Variants in STRN observed in about 807,000 individuals in gnomAD.
The protein encoded by STRN is striatin, also known as protein phosphatase 2 regulatory subunit B'''alpha.
STRN carries 53 observed loss-of-function variants against 96.3 expected under a neutral mutation model. That is an observed-to-expected ratio of 0.55 (90% CI 0.44 to 0.69). STRN has a LOEUF of 0.69. STRN is among the 30% of genes least tolerant of loss of function. The pLI is 0.00. For missense variants in STRN, 987 were observed against 963.9 expected, an observed-to-expected ratio of 1.02 and a Z score of -0.32; for synonymous variants, 428 against 355.9, an observed-to-expected ratio of 1.20 and a Z score of -2.28.
intron 1 of STRN, among the ~76,000 whole-genome samples, chr2:36,954,901 A>C (rs1442871809): frequency 6.6e-6 from 1 of 152,178 alleles, no homozygotes; most frequent in Non-Finnish European, 1.5e-5. Flanking sequence ...AGCCTCCCAA[A>C]GTGCTAGGAT....
intron 3 of STRN, among the ~76,000 whole-genome samples, chr2:36,909,711 TAG>T (rs1409305556): frequency 1.3e-5 from 2 of 152,054 alleles, no homozygotes; most frequent in African/African-American, 4.8e-5. Context: ...AAGAAATATG[TAG>T]AGAGGGCTAA....
intron 11 of STRN, 78 bp from the exon 12 acceptor site, chr2:36,867,939 T>C: frequency 8.5e-7 from 1 of 1,175,174 alleles, no homozygotes; most frequent in Non-Finnish European, 1.2e-6. Flanking sequence ...AAAATTGTCT[T>C]TAAAAATACA....
At chr2:36,911,177 C>A (rs1361243369) in intron 3 of STRN, among the ~76,000 whole-genome samples, 18 of 152,180 alleles carry the variant, frequency 1.2e-4, no homozygotes, top group Admixed American at 1.2e-3. Context: ...TGCCACCAAA[C>A]TTCTACATCA....
At chr2:36,940,729 C>T (rs1293124324) in intron 1 of STRN, among the ~76,000 whole-genome samples, 3 of 146,902 alleles carry the variant, frequency 2.0e-5, no homozygotes, top group Admixed American at 1.4e-4. Context: ...CCCAGCTATT[C>T]GGGAGGCTGA....
chr2:36,865,006 C>T (rs536230692), intron 12 of STRN, among the ~76,000 whole-genome samples: 1 of 152,352 alleles, frequency 6.6e-6, no homozygotes, highest in African/African-American at 2.4e-5. Context: ...TGAGCCACTG[C>T]ACCCGGCCCC....
intron 10 of STRN, among the ~76,000 whole-genome samples, chr2:36,872,416 G>A (rs1668785833): frequency 6.6e-6 from 1 of 152,224 alleles, no homozygotes; most frequent in Non-Finnish European, 1.5e-5. Flanking sequence ...GTCTTCAGGT[G>A]ATACTGCAGC....
intron 9 of STRN, among the ~76,000 whole-genome samples, chr2:36,883,401 G>A (rs568232118): frequency 3.9e-5 from 6 of 152,070 alleles, no homozygotes; most frequent in African/African-American, 1.4e-4. Flanking sequence ...AGGTTGTAGC[G>A]AGCCAAGGTC....
chr2:36,885,874 C>A (rs1669209022), intron 8 of STRN, among the ~76,000 whole-genome samples: 1 of 151,992 alleles, frequency 6.6e-6, no homozygotes, highest in Admixed American at 6.6e-5. Flanking sequence ...ATTCCTATTA[C>A]CATAAAAGGG....
chr2:36,881,189 G>A (rs898254756), intron 9 of STRN, among the ~76,000 whole-genome samples: 2 of 139,912 alleles, frequency 1.4e-5, no homozygotes, highest in Non-Finnish European at 3.0e-5. Context: ...GTGCAGTGGT[G>A]TGATGTCAGC....
intron 3 of STRN, among the ~76,000 whole-genome samples, chr2:36,907,147 C>T (rs1283002703): frequency 6.6e-6 from 1 of 152,176 alleles, no homozygotes; most frequent in Admixed American, 6.5e-5. Context: ...AAAGTGCATA[C>T]TTTCCTCAGC....
chr2:36,953,273 C>T lies in STRN; in HGVS notation c.234+12957G>A, dbSNP rs1030330924. Among the ~76,000 whole-genome samples the T allele has an allele frequency of 9.2e-5, 14 of 152,140 alleles. No individual in the cohort carries two copies. The East Asian group carries it at 2.3e-3, about 25-fold the overall frequency. On this transcript the variant is annotated intron_variant, in intron 1 of 17. Coordinates refer to ENST00000263918, the MANE Select transcript of STRN (RefSeq NM_003162.4). The stretch of plus-strand genomic sequence containing the variant: ...CTTATTTTTCTCTCCATCTCATCTA[C>T]AAAACAAAATACCTACTACTTTTGT...
chr2:36,894,291 C>T (rs1391132408), intron 6 of STRN, among the ~76,000 whole-genome samples: 1 of 152,176 alleles, frequency 6.6e-6, no homozygotes, highest in East Asian at 1.9e-4. Context: ...AAGACATGTA[C>T]TGAAATGACA....
In STRN at chr2:36,845,114, A is replaced by T. The variant is rs896410423; in HGVS notation, c.*4342T>A. On this transcript the variant is annotated 3_prime_UTR_variant, in exon 18 of 18. Transcript: ENST00000263918. The stretch of plus-strand genomic sequence containing the variant: ...TTTCAAAGAATAAAGTAATCTAAAT[A>T]AAATTATACTTAGCACTCTTTTTCA... 2.0e-5 allele frequency: 3 copies of T among 152,196 alleles called. No individual in the cohort carries two copies. The highest frequency in any genetic ancestry group is 6.6e-5 in the Admixed American group (1 of 15,264). The allele number at this position is 152,196 out of a possible 1,614,324, so 9.4% of individuals were successfully genotyped here. A position where few individuals can be genotyped will look rare whatever the true frequency, so the allele number is the denominator to read the frequency against.
In STRN at chr2:36,857,926, T is replaced by C. The variant is rs912357748; in HGVS notation, c.1767A>G (p.Ala589=). The part of the protein sequence containing the change: ...AAHQRLLSCS[A]DGTLRLWNTT... ...TATTCCATAAACGCAGAGTGCCATC[T>C]GCTGAACAGGACAACAAACGCTGAT... Residue 589 remains alanine, a synonymous_variant, in exon 14 of 18, where the codon GCA becomes GCG. Coordinates refer to ENST00000263918, the MANE Select transcript of STRN (RefSeq NM_003162.4). The C allele has an allele frequency of 6.2e-7, 1 of 1,614,110 alleles. No individual in the cohort carries two copies. Among genetic ancestry groups the C allele is most frequent in the Admixed American group, 1.7e-5 (1 of 60,020 alleles).
intron 2 of STRN, among the ~76,000 whole-genome samples, chr2:36,922,920 G>A (rs1399960505): frequency 6.6e-6 from 1 of 151,552 alleles, no homozygotes; most frequent in Non-Finnish European, 1.5e-5. Context: ...GAGGCAGGCG[G>A]ATCACGAAGT....
chr2:36,875,198 T>C (rs1441688199), intron 10 of STRN, among the ~76,000 whole-genome samples: 2 of 151,428 alleles, frequency 1.3e-5, no homozygotes, highest in Non-Finnish European at 2.9e-5. Flanking sequence ...AGTAGAAAGG[T>C]GGAAGGTTGA....
Position 36,842,715 on chromosome 2 carries a change from T to A in STRN, c.*6741A>T, listed in dbSNP as rs1157037114. On this transcript the variant is annotated 3_prime_UTR_variant, in exon 18 of 18. Transcript: ENST00000263918. ...AGTGATACTTAGAAGCGAGTCATTT[T>A]ATGTTTGGTGGGTTTTGAATCATTT... Among the ~76,000 whole-genome samples the A allele has an allele frequency of 2.1e-5, 3 of 143,274 alleles. No homozygotes were observed. In the East Asian group the frequency reaches 5.8e-4, roughly 28 times the overall value. 94.0% of individuals were successfully genotyped at this position (143,274 alleles called of 152,430 possible).
intron 1 of STRN, among the ~76,000 whole-genome samples, chr2:36,928,097 T>C (rs141936515): frequency 1.3e-5 from 2 of 152,176 alleles, no homozygotes; most frequent in Non-Finnish European, 2.9e-5. Flanking sequence ...CTAGGAAACT[T>C]AGATATTAGA....
intron 1 of STRN, among the ~76,000 whole-genome samples, chr2:36,928,651 TAA>T (rs1255276491): frequency 1.4e-5 from 1 of 69,042 alleles, no homozygotes; most frequent in Non-Finnish European, 3.1e-5. Context: ...GACTCCATCT[TAA>T]AAAAAAAAAG....
Sources: gnomAD v4.1 joint callset for allele counts (sites outside exome capture counted in the v4.1 genomes callset) on GRCh38, gnomAD v4.1.1 for gene constraint, MANE v1.5 for transcripts, NCBI Gene and HGNC (gene_info 2026-07-23, HGNC 2026-07-21) for gene names.